AMBRA1: variants seen among roughly 807,000 people sequenced by gnomAD.
AMBRA1 encodes the protein activating molecule in BECN1-regulated autophagy protein 1.
Under a neutral mutation model 125.4 loss-of-function variants are expected in AMBRA1, and 47 were observed. The observed-to-expected ratio is 0.37, with a 90% CI of 0.30 to 0.48. The LOEUF (loss-of-function observed/expected upper bound fraction) is 0.48, where lower values mean the gene tolerates loss of function less well. Ranked by LOEUF, AMBRA1 falls within the 20% of genes least tolerant of loss-of-function variation. AMBRA1 has a pLI of 0.99. For synonymous variants in AMBRA1, 626 were observed against 655.5 expected, an observed-to-expected ratio of 0.95 and a Z score of 0.69; for missense variants, 1,331 against 1,693.4, an observed-to-expected ratio of 0.79 and a Z score of 3.76.
At chr11:46,443,876 T>C (rs1418674623) in intron 11 of AMBRA1, among the ~76,000 whole-genome samples, 2 of 152,200 alleles carry the variant, frequency 1.3e-5, no homozygotes, top group Non-Finnish European at 2.9e-5. Context: ...GCAGGTACTG[T>C]ACATACATGG....
At chr11:46,425,361 T>A (rs1343186475) in intron 14 of AMBRA1, among the ~76,000 whole-genome samples, 1 of 147,416 alleles carries the variant, frequency 6.8e-6, no homozygotes, top group East Asian at 2.0e-4. Context: ...TAAGAAGTAG[T>A]ATTTCTCTGT....
Position 46,450,745 on chromosome 11 carries a change from AAGG to A in AMBRA1, c.2522-7150_2522-7148del, listed in dbSNP as rs1239253208. Among the ~76,000 whole-genome samples the A allele has an allele frequency of 2.6e-5, 4 of 152,262 alleles. No homozygotes were observed. In the East Asian group the frequency reaches 7.7e-4, roughly 29 times the overall value. On this transcript the variant is annotated intron_variant, in intron 11 of 17. Coordinates refer to ENST00000683756, the MANE Select transcript of AMBRA1 (RefSeq NM_001387011.1). Reference sequence around the variant, plus strand: ...GGCATGAGCCACCATGTACAGCCACAAGGAGATTTTTTAAGCAGTAAAGTTATT... The same window carrying A: ...GGCATGAGCCACCATGTACAGCCACAAGATTTTTTAAGCAGTAAAGTTATT...
chr11:46,437,157 G>C (rs569787525), intron 12 of AMBRA1, among the ~76,000 whole-genome samples: 1 of 152,298 alleles, frequency 6.6e-6, no homozygotes, highest in South Asian at 2.1e-4. Flanking sequence ...GTGTGCAGAG[G>C]AGAGTACAAG....
At chr11:46,546,505 C>T (rs1463594337) in intron 4 of AMBRA1, among the ~76,000 whole-genome samples, 2 of 152,052 alleles carry the variant, frequency 1.3e-5, no homozygotes. Flanking sequence ...CAACAGAAAT[C>T]CAACCTGAAC....
chr11:46,468,292 C>T (rs1479964322), intron 11 of AMBRA1, among the ~76,000 whole-genome samples: 1 of 151,878 alleles, frequency 6.6e-6, no homozygotes, highest in Non-Finnish European at 1.5e-5. Context: ...GTCCCAAGCA[C>T]CTTAGGAGGT....
At position 46,434,856 on chromosome 11, in the gene AMBRA1, C is replaced by T. The variant is rs2136714126; in HGVS notation, c.2814G>A (p.Lys938=). 6.3e-7 allele frequency: 1 copy of T among 1,598,234 alleles called. No individual in the cohort carries two copies. The highest frequency in any genetic ancestry group is 2.2e-5 in the East Asian group (1 of 44,626). The change falls in exon 13 of 18, where the codon AAG becomes AAA. Residue 938 remains lysine (K), a synonymous_variant. Coordinates refer to ENST00000683756, the MANE Select transcript of AMBRA1 (RefSeq NM_001387011.1). ...PHNLGEMLYT[K]RFGPNAISVS... Reference sequence around the variant, plus strand: ...GGGCTTCCTATCCCTTACCAAATCGCTTGGTGTAGAGCATTTCGCCCAGGT... The same window carrying T: ...GGGCTTCCTATCCCTTACCAAATCGTTTGGTGTAGAGCATTTCGCCCAGGT...
At chr11:46,488,171 T>C (rs1950327049) in intron 11 of AMBRA1, among the ~76,000 whole-genome samples, 1 of 152,108 alleles carries the variant, frequency 6.6e-6, no homozygotes, top group Admixed American at 6.6e-5. Flanking sequence ...ATTGACAAAA[T>C]TGGGCCAGAT....
intron 11 of AMBRA1, among the ~76,000 whole-genome samples, chr11:46,478,215 C>A (rs1042356566): frequency 6.6e-6 from 1 of 152,194 alleles, no homozygotes; most frequent in African/African-American, 2.4e-5. Context: ...TATAAGAAAG[C>A]ATAATATGCC....
chr11:46,585,115 T>C (rs932772253), intron 1 of AMBRA1, among the ~76,000 whole-genome samples: 2 of 152,052 alleles, frequency 1.3e-5, no homozygotes, highest in Non-Finnish European at 2.9e-5. Context: ...TTAAGGGCGG[T>C]GCAAGATGTG....
intron 1 of AMBRA1, among the ~76,000 whole-genome samples, chr11:46,569,448 T>A (rs1337202317): frequency 2.6e-4 from 38 of 144,494 alleles, no homozygotes; most frequent in African/African-American, 5.8e-4. Flanking sequence ...AAAATATATA[T>A]ATATATATAT....
intron 1 of AMBRA1, among the ~76,000 whole-genome samples, chr11:46,576,883 A>G (rs2043977182): frequency 6.6e-6 from 1 of 152,252 alleles, no homozygotes; most frequent in Non-Finnish European, 1.5e-5. Context: ...ATAGGAAGTT[A>G]AAACCATGCA....
intron 1 of AMBRA1, among the ~76,000 whole-genome samples, chr11:46,573,712 T>C (rs973465415): frequency 6.6e-6 from 1 of 151,276 alleles, no homozygotes; most frequent in Non-Finnish European, 1.5e-5. Flanking sequence ...CATGTGCATA[T>C]TGTGCAGGTT....
At chr11:46,509,189 C>G (rs911406434) in intron 8 of AMBRA1, among the ~76,000 whole-genome samples, 4 of 152,158 alleles carry the variant, frequency 2.6e-5, no homozygotes, top group African/African-American at 9.7e-5. Flanking sequence ...AATAATTAGT[C>G]CAGATCTACA....
chr11:46,397,816 G>T lies in AMBRA1; in HGVS notation c.3531C>A (p.Gly1177=), dbSNP rs748652627. 6.8e-6 allele frequency: 11 copies of T among 1,606,096 alleles called. No homozygotes were observed. Among genetic ancestry groups the T allele is most frequent in the Non-Finnish European group, 9.3e-6 (11 of 1,179,996 alleles). The change falls in exon 18 of 18, where the codon GGC becomes GGA. Residue 1177 remains glycine, a synonymous_variant. Transcript: ENST00000683756. The stretch of plus-strand genomic sequence containing the variant: ...GGCTGACGATGATGTTGTTGCCGAA[G>T]CCGCCCATGGAGGCCATGGTGGTGC... ...EQSTTMASMG[G]FGNNIIVSHR... is the part of the protein sequence containing the mutation.
chr11:46,402,691 C>G (rs558682769), intron 17 of AMBRA1, among the ~76,000 whole-genome samples: 4 of 152,320 alleles, frequency 2.6e-5, no homozygotes, highest in Middle Eastern at 3.4e-3. Flanking sequence ...TCTGGACTTG[C>G]TCTTTGAGGG....
At chr11:46,488,242 C>T (rs1950328936) in intron 11 of AMBRA1, among the ~76,000 whole-genome samples, 1 of 152,028 alleles carries the variant, frequency 6.6e-6, no homozygotes, top group Non-Finnish European at 1.5e-5. Context: ...GATCCCTTGA[C>T]ATCAGGAGCT....
chr11:46,536,199 T>C (rs1232464381), intron 7 of AMBRA1, among the ~76,000 whole-genome samples: 1 of 152,202 alleles, frequency 6.6e-6, no homozygotes, highest in Non-Finnish European at 1.5e-5. Context: ...AACTAACATT[T>C]ACTGAGCATC....
rs536982376 is a variant in AMBRA1 at position 46,447,721 on chromosome 11, T to C, written c.2522-4123A>G. Among the ~76,000 whole-genome samples the C allele has an allele frequency of 5.4e-4, 4 of 7,424 alleles. No individual in the cohort carries two copies. The East Asian group carries it at 0.015, about 28-fold the overall frequency. The allele number at this position is 7,424 out of a possible 152,430, so 4.9% of individuals were successfully genotyped here. ...CCAGACCATCTTGTAGATAGATAGA[T>C]AGATAGATAGATAGATAGATAGATA... On this transcript the variant is annotated intron_variant, in intron 11 of 17. Transcript: ENST00000683756.
rs1247121032 is a variant in AMBRA1 at position 46,542,454 on chromosome 11, A to G, written c.1563T>C (p.Ser521=). Residue 521 remains serine (S), a synonymous_variant, in exon 7 of 18, where the codon AGT becomes AGC. Transcript: ENST00000683756. The surrounding 1 kb of genome is among the most constrained non-coding windows in gnomAD (Gnocchi z 5.9). ...CCTGTTGGGTCTGGGGAGCTTCCCC[A>G]CTCAGGCTCTGATCCAGCTCCTGAA... ...DRLQELDQSL[S]GEAPQTQQAQ... is the part of the protein sequence containing the mutation. 1.2e-6 allele frequency: 2 copies of G among 1,613,808 alleles called. No homozygotes were observed. Among genetic ancestry groups the G allele is most frequent in the Non-Finnish European group, 1.7e-6 (2 of 1,180,016 alleles).
Sources: allele counts gnomAD v4.1 joint callset (sites outside exome capture counted in the v4.1 genomes callset), GRCh38; gene constraint gnomAD v4.1.1; non-coding constraint Gnocchi (gnomAD v3.1); transcripts MANE v1.5; gene names NCBI Gene and HGNC (gene_info 2026-07-23, HGNC 2026-07-21).